COL5A2: variants seen among roughly 807,000 people sequenced by gnomAD.
The protein encoded by COL5A2 is collagen alpha-2(V) chain.
A neutral mutation model predicts 208.2 loss-of-function variants in COL5A2; 23 were observed. The observed-to-expected ratio is 0.11, with a 90% CI of 0.08 to 0.16. COL5A2 has a LOEUF of 0.16. COL5A2 is among the 10% of genes least tolerant of loss of function. COL5A2 has a pLI of 1.00. For missense variants in COL5A2, 1,590 were observed against 1,956.4 expected, an observed-to-expected ratio of 0.81 and a Z score of 3.53; for synonymous variants, 625 against 628.5, an observed-to-expected ratio of 0.99 and a Z score of 0.08.
At chr2:189,358,427 G>A in the COL5A2 span, among the ~76,000 whole-genome samples, 2 of 152,072 alleles carry the variant, frequency 1.3e-5, no homozygotes, top group African/African-American at 4.8e-5. Context: ...ATTTCATAAG[G>A]CTATAGCTGC....
In COL5A2 at chr2:189,032,800, T is replaced by C. The variant is rs1314294316; in HGVS notation, c.*1270A>G. 1 of 152,554 alleles carries C rather than the reference T, an allele frequency of 6.6e-6. No individual in the cohort carries two copies. Among genetic ancestry groups the C allele is most frequent in the South Asian group, 2.1e-4 (1 of 4,830 alleles). The allele number at this position is 152,554 out of a possible 1,614,324, so 9.5% of individuals were successfully genotyped here. On this transcript the variant is annotated 3_prime_UTR_variant, in exon 54 of 54. Coordinates refer to ENST00000374866, the MANE Select transcript of COL5A2 (RefSeq NM_000393.5). Reference sequence around the variant, plus strand: ...TGCTCTTTCTTTCAGAAACGGGAAGTCTAACAGTTATGTTTTCACAATGGT... The same window carrying C: ...TGCTCTTTCTTTCAGAAACGGGAAGCCTAACAGTTATGTTTTCACAATGGT...
intron 1 of COL5A2, among the ~76,000 whole-genome samples, chr2:189,122,801 C>T (rs1687532680): frequency 6.6e-6 from 1 of 152,068 alleles, no homozygotes; most frequent in Non-Finnish European, 1.5e-5. Flanking sequence ...ATTAACGTAA[C>T]TACCTAATTA....
At chr2:189,262,169 G>A in the COL5A2 span, among the ~76,000 whole-genome samples, 1 of 152,024 alleles carries the variant, frequency 6.6e-6, no homozygotes, top group Non-Finnish European at 1.5e-5. Flanking sequence ...AATTTGAAAT[G>A]ATTTCATTCC....
chr2:189,258,262 G>A, the COL5A2 span, among the ~76,000 whole-genome samples: 1 of 152,188 alleles, frequency 6.6e-6, no homozygotes, highest in African/African-American at 2.4e-5. Context: ...GCAAAAGTAT[G>A]AGTCCAGATA....
Position 189,045,231 on chromosome 2 carries a change from C to G in COL5A2, c.3311G>C (p.Gly1104Ala). ...AGGTGGTCCTATAGGACCCCGAGAA[C>G]CCTAAAAGAAATTTACAACAAAAAA... ...PGDAGQRGDP[G>A]SRGPIGPPGR... Residue 1104 changes from glycine (G) to alanine (A), a missense_variant and splice_region_variant, in exon 47 of 54, where the codon GGT (glycine) becomes GCT (alanine). Transcript: ENST00000374866. 6.2e-7 allele frequency: 1 copy of G among 1,606,042 alleles called. No homozygotes were observed. Among genetic ancestry groups the G allele is most frequent in the Non-Finnish European group, 8.5e-7 (1 of 1,175,902 alleles).
the COL5A2 span, among the ~76,000 whole-genome samples, chr2:189,270,382 T>C: frequency 6.6e-6 from 1 of 152,206 alleles, no homozygotes; most frequent in African/African-American, 2.4e-5. Context: ...AATTACCTTC[T>C]ACACACTGCT....
At chr2:189,150,852 G>A (rs1559126649) in intron 1 of COL5A2, among the ~76,000 whole-genome samples, 2 of 152,134 alleles carry the variant, frequency 1.3e-5, no homozygotes, top group Non-Finnish European at 2.9e-5. Context: ...ATAAGTGGCT[G>A]TAAAGCTCCT....
chr2:189,417,631 T>C, the COL5A2 span, among the ~76,000 whole-genome samples: 1 of 152,052 alleles, frequency 6.6e-6, no homozygotes, highest in Non-Finnish European at 1.5e-5. Flanking sequence ...TATAAAATGT[T>C]CTATTCACTA....
chr2:189,057,500 G>A (rs1478502494), intron 33 of COL5A2, 73 bp from the exon 34 acceptor site: 3 of 1,079,128 alleles, frequency 2.8e-6, no homozygotes, highest in African/African-American at 3.1e-5. Flanking sequence ...TTTTTAGTGG[G>A]TCAAAAGTAG....
chr2:189,041,578 G>T lies in COL5A2; in HGVS notation c.3633+8C>A. The T allele has an allele frequency of 1.9e-6, 3 of 1,595,086 alleles. No homozygotes were observed. Among genetic ancestry groups the T allele is most frequent in the Non-Finnish European group, 2.6e-6 (3 of 1,162,730 alleles). On this transcript the variant is annotated splice_region_variant and intron_variant, in intron 50 of 53. Coordinates refer to ENST00000374866, the MANE Select transcript of COL5A2 (RefSeq NM_000393.5). Reference sequence around the variant, plus strand: ...GCATTTCTTGCATGTAAACCTTTGTGACTTTACCTCAGGTCCTGCTTCTCC... The same window carrying T: ...GCATTTCTTGCATGTAAACCTTTGTTACTTTACCTCAGGTCCTGCTTCTCC...
At chr2:189,422,718 G>A in the COL5A2 span, among the ~76,000 whole-genome samples, 2 of 152,086 alleles carry the variant, frequency 1.3e-5, no homozygotes, top group South Asian at 2.1e-4. Context: ...TCAATAACAG[G>A]AGGAACTTCA....
At chr2:189,251,151 TA>T in the COL5A2 span, among the ~76,000 whole-genome samples, 1 of 152,188 alleles carries the variant, frequency 6.6e-6, no homozygotes, top group Non-Finnish European at 1.5e-5. Context: ...AAAAAATTTT[TA>T]AATATTTGTT....
intron 2 of COL5A2, among the ~76,000 whole-genome samples, chr2:189,109,230 A>G (rs1395256995): frequency 6.6e-6 from 1 of 151,810 alleles, no homozygotes; most frequent in Non-Finnish European, 1.5e-5. Flanking sequence ...ATTTTACTTT[A>G]TTCCTGGGCT....
chr2:189,347,057 A>T, the COL5A2 span, among the ~76,000 whole-genome samples: 1 of 152,192 alleles, frequency 6.6e-6, no homozygotes, highest in African/African-American at 2.4e-5. Context: ...AATAACTTCA[A>T]GTCTCACTCC....
the COL5A2 span, among the ~76,000 whole-genome samples, chr2:189,403,228 C>G: frequency 6.6e-6 from 1 of 152,092 alleles, no homozygotes; most frequent in Non-Finnish European, 1.5e-5. Flanking sequence ...TATTGGTGTA[C>G]AGGAATGCTA....
chr2:189,191,441 G>A (rs1400914183), intron 1 of COL5A2, among the ~76,000 whole-genome samples: 1 of 151,974 alleles, frequency 6.6e-6, no homozygotes, highest in South Asian at 2.1e-4. Flanking sequence ...AGGAGTTCGC[G>A]ACCAGCCTGG....
the COL5A2 span, among the ~76,000 whole-genome samples, chr2:189,356,725 C>G: frequency 6.6e-6 from 1 of 152,310 alleles, no homozygotes; most frequent in South Asian, 2.1e-4. Flanking sequence ...CCTTCTGAAG[C>G]CTACTTCTGT....
the COL5A2 span, among the ~76,000 whole-genome samples, chr2:189,293,589 C>G: frequency 6.6e-6 from 1 of 152,050 alleles, no homozygotes; most frequent in Non-Finnish European, 1.5e-5. Flanking sequence ...GTCGTGAAGG[C>G]GAAGCCCTCA....
the COL5A2 span, among the ~76,000 whole-genome samples, chr2:189,244,892 C>T: frequency 6.6e-6 from 1 of 152,174 alleles, no homozygotes; most frequent in Middle Eastern, 3.2e-3. Context: ...ACTTACAGTT[C>T]CATGTGGCTG....
Sources: gnomAD v4.1 joint callset for allele counts (sites outside exome capture counted in the v4.1 genomes callset) on GRCh38, gnomAD v4.1.1 for gene constraint, MANE v1.5 for transcripts, NCBI Gene and HGNC (gene_info 2026-07-23, HGNC 2026-07-21) for gene names.